Variants in NAGLU observed in about 807,000 individuals in gnomAD.
The protein encoded by NAGLU is N-acetyl-alpha-glucosaminidase.
A neutral mutation model predicts 43.4 loss-of-function variants in NAGLU; 34 were observed. The observed-to-expected ratio is 0.78, with a 90% CI of 0.60 to 1.04. The LOEUF is 1.04. Ranked by LOEUF, NAGLU falls within the 50% of genes least tolerant of loss-of-function variation. NAGLU has a pLI of 0.00. For missense variants in NAGLU, 910 were observed against 993.7 expected (o/e 0.92, Z 1.13); for synonymous variants, 425 against 437.6 (o/e 0.97, Z 0.36).
chr17:42,538,267 G>A (rs774656556), intron 2 of NAGLU, 72 bp from the exon 3 acceptor site: 14 of 1,609,576 alleles, frequency 8.7e-6, no homozygotes, highest in South Asian at 5.5e-5. Flanking sequence ...AGCAATGAGT[G>A]AATGGTTGTT....
At chr17:42,542,042 A>C (rs947403430) in intron 5 of NAGLU, among the ~76,000 whole-genome samples, 3 of 152,036 alleles carry the variant, frequency 2.0e-5, no homozygotes, top group Admixed American at 2.0e-4. Flanking sequence ...CTGGGACTAT[A>C]GGCACCCGCC....
Position 42,541,043 on chromosome 17 carries a change from C to A in NAGLU, c.858C>A (p.Pro286=). ...SCSFLLAPED[P]IFPIIGSLFL... is the part of the protein sequence containing the mutation. Reference sequence around the variant, plus strand: ...CCTTCCTTCTGGCTCCGGAAGACCCCATATTCCCCATCATCGGGAGCCTCT... The same window carrying A: ...CCTTCCTTCTGGCTCCGGAAGACCCAATATTCCCCATCATCGGGAGCCTCT... The change falls in exon 5 of 6, where the codon CCC becomes CCA. Residue 286 remains proline, a synonymous_variant. Coordinates refer to ENST00000225927, the MANE Select transcript of NAGLU (RefSeq NM_000263.4). 1 of 1,614,178 alleles carries A rather than the reference C, an allele frequency of 6.2e-7. No individual in the cohort carries two copies.
Position 42,538,356 on chromosome 17 carries a change from C to G in NAGLU, c.549C>G (p.Gly183=). The change falls in exon 3 of 6, where the codon GGC becomes GGG. Residue 183 remains glycine (G), a synonymous_variant. Transcript: ENST00000225927. ...TTCCTCAGGTGTACCTGGCCTTGGG[C>G]CTGACCCAGGCAGAGATCAATGAGT... is the stretch of plus-strand genomic sequence containing the variant. ...AIWQRVYLAL[G]LTQAEINEFF... The G allele has an allele frequency of 6.2e-7, 1 of 1,614,268 alleles. No individual in the cohort carries two copies. Among genetic ancestry groups the G allele is most frequent in the African/African-American group, 1.3e-5 (1 of 75,072 alleles).
chr17:42,543,370 A>G lies in NAGLU; in HGVS notation c.1364A>G (p.Tyr455Cys), dbSNP rs375103824. The change falls in exon 6 of 6, where the codon TAT becomes TGT. Residue 455 changes from tyrosine (Y) to cysteine (C), a missense_variant. Coordinates refer to ENST00000225927, the MANE Select transcript of NAGLU (RefSeq NM_000263.4). The stretch of plus-strand genomic sequence containing the variant: ...GGCATCAGCCAGAACGAAGTGGTCT[A>G]TTCCCTCATGGCTGAGCTGGGCTGG... ...PEGISQNEVV[Y>C]SLMAELGWRK... 2.5e-6 allele frequency: 4 copies of G among 1,612,150 alleles called. No individual in the cohort carries two copies. In the Admixed American group the frequency reaches 6.7e-5, roughly 27 times the overall value.
rs1196007331 is a variant in NAGLU at position 42,541,201 on chromosome 17, C to T, written c.1016C>T (p.Thr339Ile). 1 of 1,612,826 alleles carries T rather than the reference C, an allele frequency of 6.2e-7. No individual in the cohort carries two copies. Among genetic ancestry groups the T allele is most frequent in the Admixed American group, 1.7e-5 (1 of 60,024 alleles). ...ACCACTGCCGTCTATGAGGCCATGACTGCAGGTACAGTGCCTGGGTGGGGT... is the reference window on the plus strand; with the variant it reads ...ACCACTGCCGTCTATGAGGCCATGATTGCAGGTACAGTGCCTGGGTGGGGT... The part of the protein sequence containing the change: ...AATTAVYEAM[T>I]AVDTEAVWLL... Residue 339 changes from threonine to isoleucine, a missense_variant, in exon 5 of 6, where the codon ACT becomes ATT. Transcript: ENST00000225927.
intron 4 of NAGLU, 141 bp downstream of exon 4, chr17:42,538,896 C>T (rs1599256580): frequency 1.1e-6 from 1 of 940,136 alleles, no homozygotes; most frequent in Admixed American, 2.0e-5. Context: ...CCGAGTTGGG[C>T]GGATCACCTG....
chr17:42,539,476 G>A (rs1455873107), intron 4 of NAGLU, among the ~76,000 whole-genome samples: 1 of 152,184 alleles, frequency 6.6e-6, no homozygotes, highest in African/African-American at 2.4e-5. Flanking sequence ...CTAGTGCCCC[G>A]CATGACCTCC....
chr17:42,541,308 C>A, intron 5 of NAGLU, 102 bp downstream of exon 5: 2 of 1,476,836 alleles, frequency 1.4e-6, no homozygotes, highest in Non-Finnish European at 1.9e-6. Flanking sequence ...TAATGCCTCG[C>A]CATAACACAC....
In NAGLU at chr17:42,544,034, G is replaced by A; in HGVS notation, c.2028G>A (p.Arg676=). 1 of 1,612,274 alleles carries A rather than the reference G, an allele frequency of 6.2e-7. No homozygotes were observed. The highest frequency in any genetic ancestry group is 8.5e-7 in the Non-Finnish European group (1 of 1,179,258). The change falls in exon 6 of 6, where the codon CGG becomes CGA. Residue 676 remains arginine (R), a synonymous_variant. Coordinates refer to ENST00000225927, the MANE Select transcript of NAGLU (RefSeq NM_000263.4). ...CCAACTACTACACCCCTCGCTGGCGGCTTTTCCTGGAGGCGCTGGTTGACA... is the reference window on the plus strand; with the variant it reads ...CCAACTACTACACCCCTCGCTGGCGACTTTTCCTGGAGGCGCTGGTTGACA... ...LVANYYTPRW[R]LFLEALVDSV...
Position 42,543,389 on chromosome 17 carries a change from G to A in NAGLU, c.1383G>A (p.Leu461=). 1 of 1,608,864 alleles carries A rather than the reference G, an allele frequency of 6.2e-7. No individual in the cohort carries two copies. ...TGGTCTATTCCCTCATGGCTGAGCT[G>A]GGCTGGCGAAAGGACCCAGTGCCAG... ...NEVVYSLMAE[L]GWRKDPVPDL... is the part of the protein sequence containing the mutation. The change falls in exon 6 of 6, where the codon CTG becomes CTA. Residue 461 remains leucine, a synonymous_variant. Transcript: ENST00000225927.
chr17:42,543,590 C>T lies in NAGLU; in HGVS notation c.1584C>T (p.Ser528=). 1 of 1,613,054 alleles carries T rather than the reference C, an allele frequency of 6.2e-7. No homozygotes were observed. Among genetic ancestry groups the T allele is most frequent in the Non-Finnish European group, 8.5e-7 (1 of 1,180,012 alleles). The change falls in exon 6 of 6, where the codon AGC becomes AGT. Residue 528 remains serine (S), a synonymous_variant. Transcript: ENST00000225927. ...GGCCGTCCCTACAGATGAATACCAG[C>T]ATCTGGTACAACCGATCTGATGTGT... ...VRRPSLQMNT[S]IWYNRSDVFE...
chr17:42,538,771 C>G lies in NAGLU; in HGVS notation c.764+16C>G. On this transcript the variant is annotated intron_variant, in intron 4 of 5. Coordinates refer to ENST00000225927, the MANE Select transcript of NAGLU (RefSeq NM_000263.4). ...CTGTCACCAGGTGAGGTTCCGCTCA[C>G]CCCCTCCACTTAGCTCAGAGAGGGA... 6.2e-7 allele frequency: 1 copy of G among 1,613,426 alleles called. No individual in the cohort carries two copies. Among genetic ancestry groups the G allele is most frequent in the South Asian group, 1.1e-5 (1 of 91,090 alleles).
In NAGLU at chr17:42,538,651, C is replaced by T. The variant is rs758493355; in HGVS notation, c.679-19C>T. On this transcript the variant is annotated intron_variant, in intron 3 of 5. Transcript: ENST00000225927. ...GACAGCAGTGGCCATGCTCACCACC[C>T]TTCCTTCTGTTCCTCCAGCACCGGG... 11 of 1,613,880 alleles carry T rather than the reference C, an allele frequency of 6.8e-6. No individual in the cohort carries two copies. In the South Asian group the frequency reaches 1.2e-4, roughly 18 times the overall value.
chr17:42,536,263 G>C lies in NAGLU; in HGVS notation c.-10G>C. On this transcript the variant is annotated 5_prime_UTR_variant, in exon 1 of 6. Transcript: ENST00000225927. ...CCCCTGGCCGTCGCGGGACCCGCAG[G>C]ACTGAGACCATGGAGGCGGTGGCGG... 1.6e-6 allele frequency: 2 copies of C among 1,218,132 alleles called. No homozygotes were observed. Among genetic ancestry groups the C allele is most frequent in the Admixed American group, 4.3e-5 (1 of 23,218 alleles). The allele number at this position is 1,218,132 out of a possible 1,614,324, so 75.5% of individuals were successfully genotyped here. A position where few individuals can be genotyped will look rare whatever the true frequency, so the allele number is the denominator to read the frequency against.
At position 42,543,895 on chromosome 17, in the gene NAGLU, T is replaced by G. The variant is rs751264692; in HGVS notation, c.1889T>G (p.Val630Gly). ...SWLEQARAAA[V>G]SEAEADFYEQ... Reference sequence around the variant, plus strand: ...CTAGAGCAGGCCCGAGCAGCGGCAGTCAGTGAGGCCGAGGCCGATTTCTAC... The same window carrying G: ...CTAGAGCAGGCCCGAGCAGCGGCAGGCAGTGAGGCCGAGGCCGATTTCTAC... The change falls in exon 6 of 6, where the codon GTC (valine) becomes GGC (glycine). Residue 630 changes from valine to glycine, a missense_variant. Coordinates refer to ENST00000225927, the MANE Select transcript of NAGLU (RefSeq NM_000263.4). 4.4e-5 allele frequency: 71 copies of G among 1,605,346 alleles called. No individual in the cohort carries two copies. The highest frequency in any genetic ancestry group is 5.7e-5 in the Non-Finnish European group (67 of 1,176,356).
At position 42,536,252 on chromosome 17, in the gene NAGLU, G is replaced by C. The variant is rs1452677530; in HGVS notation, c.-21G>C. 2.5e-6 allele frequency: 3 copies of C among 1,216,570 alleles called. No individual in the cohort carries two copies. The highest frequency in any genetic ancestry group is 3.1e-6 in the Non-Finnish European group (3 of 977,940). The allele number at this position is 1,216,570 out of a possible 1,614,324, so 75.4% of individuals were successfully genotyped here. A position where few individuals can be genotyped will look rare whatever the true frequency, so the allele number is the denominator to read the frequency against. On this transcript the variant is annotated 5_prime_UTR_variant, in exon 1 of 6. Transcript: ENST00000225927. ...GGCCGCCCCACCCCCTGGCCGTCGC[G>C]GGACCCGCAGGACTGAGACCATGGA...
chr17:42,543,228 C>T lies in NAGLU; in HGVS notation c.1222C>T (p.His408Tyr), dbSNP rs757018169. The T allele has an allele frequency of 3.1e-6, 5 of 1,614,138 alleles. No homozygotes were observed. The African/African-American group carries it at 6.7e-5, about 22-fold the overall frequency. ...QGQPFIWCML[H>Y]NFGGNHGLFG... ...CCAGCCCTTCATCTGGTGCATGCTG[C>T]ACAACTTTGGGGGAAACCATGGTCT... is the stretch of plus-strand genomic sequence containing the variant. Residue 408 changes from histidine to tyrosine, a missense_variant, in exon 6 of 6, where the codon CAC becomes TAC. By Grantham distance (83) the His-to-Tyr change is moderately conservative. Coordinates refer to ENST00000225927, the MANE Select transcript of NAGLU (RefSeq NM_000263.4).
chr17:42,538,692 G>T lies in NAGLU; in HGVS notation c.701G>T (p.Arg234Leu), dbSNP rs886042073. The T allele has an allele frequency of 3.7e-6, 6 of 1,614,008 alleles. No homozygotes were observed. The highest frequency in any genetic ancestry group is 5.1e-6 in the Non-Finnish European group (6 of 1,180,040). ...CAGCACCGGGTCCTGGACCAGATGCGCTCCTTCGGCATGACCCCAGTGCTG... is the reference window on the plus strand; with the variant it reads ...CAGCACCGGGTCCTGGACCAGATGCTCTCCTTCGGCATGACCCCAGTGCTG... ...YLQHRVLDQM[R>L]SFGMTPVLPA... The change falls in exon 4 of 6, where the codon CGC (arginine) becomes CTC (leucine). Residue 234 changes from arginine to leucine, a missense_variant. Coordinates refer to ENST00000225927, the MANE Select transcript of NAGLU (RefSeq NM_000263.4).
chr17:42,537,457 C>T lies in NAGLU; in HGVS notation c.443C>T (p.Ala148Val). ...TACTCTTTCGTGTGGTGGGACTGGG[C>T]CCGCTGGGAGCGAGAGATAGACTGG... is the stretch of plus-strand genomic sequence containing the variant. ...QSYSFVWWDWARWEREIDWMA... is the reference protein window; with the variant it reads ...QSYSFVWWDWVRWEREIDWMA... Residue 148 changes from alanine (A) to valine (V), a missense_variant, in exon 2 of 6, where the codon GCC (alanine) becomes GTC (valine). Transcript: ENST00000225927. The T allele has an allele frequency of 1.9e-6, 3 of 1,614,220 alleles. No individual in the cohort carries two copies. Among genetic ancestry groups the T allele is most frequent in the Non-Finnish European group, 2.5e-6 (3 of 1,180,024 alleles).
Sources: gnomAD v4.1 joint callset for allele counts (sites outside exome capture counted in the v4.1 genomes callset) on GRCh38, gnomAD v4.1.1 for gene constraint, MANE v1.5 for transcripts, NCBI Gene and HGNC (gene_info 2026-07-23, HGNC 2026-07-21) for gene names.